The following ADAMTS17 variants were observed in gnomAD, a reference collection of about 807,000 sequenced individuals.
ADAMTS17 encodes the protein A disintegrin and metalloproteinase with thrombospondin motifs 17.
A neutral mutation model predicts 141.5 loss-of-function variants in ADAMTS17; 113 were observed. That is an observed-to-expected ratio of 0.80 (90% CI 0.69 to 0.93). The LOEUF (loss-of-function observed/expected upper bound fraction) is 0.93. ADAMTS17 is among the 40% of genes least tolerant of loss of function. The pLI, the probability that ADAMTS17 is intolerant of heterozygous loss-of-function variation, is 0.00. For synonymous variants in ADAMTS17, 768 were observed against 630.6 expected (o/e 1.22, Z -3.27); for missense variants, 1,659 against 1,517.9 (o/e 1.09, Z -1.54).
intron 2 of ADAMTS17, among the ~76,000 whole-genome samples, chr15:100,335,923 A>G (rs1283053256): frequency 6.6e-6 from 1 of 152,238 alleles, no homozygotes; most frequent in Non-Finnish European, 1.5e-5. Context: ...AAGCGGGTCC[A>G]GGGAAAAGTT....
intron 8 of ADAMTS17, among the ~76,000 whole-genome samples, chr15:100,174,224 T>C (rs1292972120): frequency 6.6e-6 from 1 of 152,140 alleles, no homozygotes; most frequent in African/African-American, 2.4e-5. Flanking sequence ...ACATTCTCAC[T>C]GTTATTTCTG....
rs141517832 is a variant in ADAMTS17 at position 100,178,651 on chromosome 15, T to C, written c.1181+20667A>G. Among the ~76,000 whole-genome samples, 390 of 152,316 alleles carry C rather than the reference T, an allele frequency of 2.6e-3. 3 individuals are homozygous for C. Among genetic ancestry groups the C allele is most frequent in the African/African-American group, 8.4e-3 (351 of 41,576 alleles). ...TTTTTACTATTGTTCTGTTGTTCTTTTACCCATTCTGTTTTGAAGGATCCA... is the reference window on the plus strand; with the variant it reads ...TTTTTACTATTGTTCTGTTGTTCTTCTACCCATTCTGTTTTGAAGGATCCA... On this transcript the variant is annotated intron_variant, in intron 8 of 21. Transcript: ENST00000268070.
In ADAMTS17 at chr15:100,341,243, C is replaced by A; in HGVS notation, c.246G>T (p.Leu82=). ...PRARPGERAL[L]LHLPAFGRDL... ...CGCGCCCGAAGGCCGGCAGGTGCAG[C>A]AGCAGGGCGCGCTCTCCGGGCCGGG... Residue 82 remains leucine (L), a synonymous_variant, in exon 2 of 22, where the codon CTG becomes CTT. Coordinates refer to ENST00000268070, the MANE Select transcript of ADAMTS17 (RefSeq NM_139057.4). The A allele has an allele frequency of 7.2e-7, 1 of 1,381,770 alleles. No homozygotes were observed. Among genetic ancestry groups the A allele is most frequent in the Admixed American group, 2.7e-5 (1 of 36,632 alleles). 85.6% of individuals were successfully genotyped at this position (1,381,770 alleles called of 1,614,324 possible). A position where few individuals can be genotyped will look rare whatever the true frequency, so the allele number is the denominator to read the frequency against.
At chr15:100,008,688 G>C (rs571594045) in intron 18 of ADAMTS17, among the ~76,000 whole-genome samples, 1 of 152,206 alleles carries the variant, frequency 6.6e-6, no homozygotes, top group Admixed American at 6.5e-5. Context: ...TTGGGCATCT[G>C]ATCTGGAAAG....
chr15:100,184,458 T>C (rs2141551021), intron 8 of ADAMTS17, among the ~76,000 whole-genome samples: 1 of 152,354 alleles, frequency 6.6e-6, no homozygotes, highest in Middle Eastern at 3.4e-3. Context: ...TTGAATAATC[T>C]CTAGGATATC....
chr15:99,984,668 C>T lies in ADAMTS17; in HGVS notation c.2949+8380G>A, dbSNP rs749219513. On this transcript the variant is annotated intron_variant, in intron 20 of 21. Coordinates refer to ENST00000268070, the MANE Select transcript of ADAMTS17 (RefSeq NM_139057.4). ...GGCTACCCCTAAACTCATCTGATGGCGGATGATGCCCACACAAGGTGAGAT... is the reference window on the plus strand; with the variant it reads ...GGCTACCCCTAAACTCATCTGATGGTGGATGATGCCCACACAAGGTGAGAT... 1.8e-4 allele frequency among the ~76,000 whole-genome samples: 28 copies of T among 152,314 alleles called. 1 individual carries two copies. Among genetic ancestry groups the T allele is most frequent in the Middle Eastern group, 6.8e-3 (2 of 294 alleles).
chr15:100,286,252 G>T (rs2044444679), intron 3 of ADAMTS17, among the ~76,000 whole-genome samples: 1 of 152,294 alleles, frequency 6.6e-6, no homozygotes. Context: ...GCACCCTGCT[G>T]CCCTACCACT....
At chr15:100,223,061 C>G (rs939967486) in intron 7 of ADAMTS17, among the ~76,000 whole-genome samples, 7 of 152,184 alleles carry the variant, frequency 4.6e-5, no homozygotes, top group Non-Finnish European at 8.8e-5. Context: ...GATAAAGATG[C>G]GGGTGCAGGA....
chr15:100,296,580 G>T (rs7169138), intron 3 of ADAMTS17, among the ~76,000 whole-genome samples: 20,594 of 107,902 alleles, frequency 0.19, 1,401 homozygotes, highest in African/African-American at 0.29. Flanking sequence ...GGTGAGGGGG[G>T]GTGTGTGTGT....
intron 6 of ADAMTS17, among the ~76,000 whole-genome samples, chr15:100,259,359 G>A (rs905340076): frequency 2.0e-5 from 3 of 152,186 alleles, no homozygotes; most frequent in African/African-American, 7.2e-5. Context: ...GGCACCCAGG[G>A]TATTCTACAG....
chr15:100,213,265 GCT>G (rs1283795269), intron 7 of ADAMTS17, among the ~76,000 whole-genome samples: 6 of 152,152 alleles, frequency 3.9e-5, no homozygotes, highest in East Asian at 3.9e-4. Context: ...AATGTAACAA[GCT>G]CTCTCTGTTT....
At chr15:100,220,030 C>T (rs138083745) in intron 7 of ADAMTS17, among the ~76,000 whole-genome samples, 45 of 152,256 alleles carry the variant, frequency 3.0e-4, no homozygotes, top group African/African-American at 1.1e-3. Flanking sequence ...GACCTCACAT[C>T]CTAGGCTCAT....
At chr15:100,212,155 G>A (rs1314136535) in intron 7 of ADAMTS17, among the ~76,000 whole-genome samples, 1 of 152,138 alleles carries the variant, frequency 6.6e-6, no homozygotes, top group Non-Finnish European at 1.5e-5. Flanking sequence ...TTCACACATG[G>A]GGAAACTGAG....
intron 12 of ADAMTS17, among the ~76,000 whole-genome samples, chr15:100,127,512 T>C (rs987434003): frequency 8.5e-5 from 13 of 152,342 alleles, no homozygotes; most frequent in African/African-American, 3.1e-4. Context: ...GCTCCAAACG[T>C]GGCCTGCCGC....
In ADAMTS17 at chr15:100,116,859, C is replaced by T. The variant is rs761568437; in HGVS notation, c.1876G>A (p.Val626Met). 9.9e-6 allele frequency: 16 copies of T among 1,614,146 alleles called. No homozygotes were observed. In the East Asian group the frequency reaches 1.8e-4, roughly 18 times the overall value. ...CATATGCCTTTACCGTCAACCACCACGGCTGTCAGCAGGCCTTTCTTCTTG... is the reference window on the plus strand; with the variant it reads ...CATATGCCTTTACCGTCAACCACCATGGCTGTCAGCAGGCCTTTCTTCTTG... ...SPKKKGLLTA[V>M]VVDDKPCELY... The change falls in exon 13 of 22, where the codon GTG becomes ATG. Residue 626 changes from valine (V) to methionine (M), a missense_variant. Val to Met is a conservative substitution (Grantham distance 21). Transcript: ENST00000268070.
chr15:100,119,310 G>A (rs577262972), intron 12 of ADAMTS17, among the ~76,000 whole-genome samples: 1 of 152,298 alleles, frequency 6.6e-6, no homozygotes, highest in South Asian at 2.1e-4. Context: ...ACAAGGACCA[G>A]ATGCTCCTCG....
chr15:100,247,268 T>A (rs2043017843), intron 7 of ADAMTS17, among the ~76,000 whole-genome samples: 1 of 151,130 alleles, frequency 6.6e-6, no homozygotes, highest in Admixed American at 6.6e-5. Flanking sequence ...AACAATACAG[T>A]GGAACAAACA....
chr15:100,311,824 A>G (rs1428889976), intron 3 of ADAMTS17, among the ~76,000 whole-genome samples: 1 of 149,168 alleles, frequency 6.7e-6, no homozygotes, highest in Non-Finnish European at 1.5e-5. Flanking sequence ...AGATAAGTGA[A>G]AAAGGAAAAA....
chr15:100,003,477 T>C (rs2060971679), intron 18 of ADAMTS17, among the ~76,000 whole-genome samples: 1 of 152,062 alleles, frequency 6.6e-6, no homozygotes, highest in Non-Finnish European at 1.5e-5. Flanking sequence ...GGCCACTGTA[T>C]CCTGTTTTAC....
Sources: gnomAD v4.1 joint callset for allele counts (sites outside exome capture counted in the v4.1 genomes callset) on GRCh38, gnomAD v4.1.1 for gene constraint, MANE v1.5 for transcripts, NCBI Gene and HGNC (gene_info 2026-07-23, HGNC 2026-07-21) for gene names.